PTPRO: variants seen among roughly 807,000 people sequenced by gnomAD.
PTPRO encodes receptor-type tyrosine-protein phosphatase O.
In PTPRO, 62 loss-of-function variants were observed where a neutral mutation model predicts 145.2. The ratio of observed to expected loss-of-function variants is 0.43; its 90% CI spans 0.35 to 0.53. PTPRO has a LOEUF of 0.53. PTPRO is among the 20% of genes least tolerant of loss of function. The probability of loss-of-function intolerance (pLI) is 0.01; values close to 1 mark genes in which losing one functional copy is unlikely to be tolerated. For synonymous variants in PTPRO, 565 were observed against 514.7 expected (o/e 1.10, Z -1.32); for missense variants, 1,345 against 1,482.7 (o/e 0.91, Z 1.53).
rs372311268 is a variant in PTPRO at position 15,580,132 on chromosome 12, A to T, written c.2997+17A>T. On this transcript the variant is annotated intron_variant, in intron 21 of 26. Transcript: ENST00000281171. ...TATATTCCTGTAAGTAGAAAAAAAA[A>T]ATCAGGCATCCCAAAGCTAACCAGC... is the stretch of plus-strand genomic sequence containing the variant. 268 of 1,595,822 alleles carry T rather than the reference A, an allele frequency of 1.7e-4. No homozygotes were observed. Among genetic ancestry groups the T allele is most frequent in the Non-Finnish European group, 2.1e-4 (240 of 1,167,018 alleles).
chr12:15,388,398 T>G (rs1211607361), intron 1 of PTPRO, among the ~76,000 whole-genome samples: 2 of 152,206 alleles, frequency 1.3e-5, no homozygotes, highest in East Asian at 3.8e-4. Context: ...TAATTGAAAC[T>G]GCACTGAAGC....
chr12:15,422,643 A>C (rs1461062143), intron 1 of PTPRO, among the ~76,000 whole-genome samples: 1 of 152,210 alleles, frequency 6.6e-6, no homozygotes, highest in East Asian at 1.9e-4. Context: ...TATAAACCAC[A>C]TGCTACAAAG....
At chr12:15,404,600 G>A (rs912354213) in intron 1 of PTPRO, among the ~76,000 whole-genome samples, 1 of 152,012 alleles carries the variant, frequency 6.6e-6, no homozygotes, top group East Asian at 1.9e-4. Flanking sequence ...TCCTTTTACG[G>A]CATGAAGGCT....
At chr12:15,444,298 A>G (rs1940846032) in intron 1 of PTPRO, among the ~76,000 whole-genome samples, 1 of 152,110 alleles carries the variant, frequency 6.6e-6, no homozygotes. Flanking sequence ...ACTCACGGAC[A>G]TAAAGATGGC....
intron 25 of PTPRO, 27 bp downstream of exon 25, chr12:15,589,617 T>A (rs532858809): frequency 5.6e-6 from 9 of 1,613,338 alleles, no homozygotes; most frequent in African/African-American, 5.3e-5. Flanking sequence ...TATGTATTTT[T>A]AAATTTTCCC....
chr12:15,509,371 G>T, intron 7 of PTPRO, among the ~76,000 whole-genome samples: 1 of 84,812 alleles, frequency 1.2e-5, no homozygotes, highest in Admixed American at 1.5e-4. Context: ...ACGCATTCTT[G>T]CTGAAAAAAA....
chr12:15,402,601 T>C (rs1241217256), intron 1 of PTPRO, among the ~76,000 whole-genome samples: 2 of 152,164 alleles, frequency 1.3e-5, no homozygotes, highest in African/African-American at 4.8e-5. Flanking sequence ...ATTCTCTATG[T>C]AAATTGTTAA....
intron 1 of PTPRO, among the ~76,000 whole-genome samples, chr12:15,426,157 GTA>G (rs1940280211): frequency 6.6e-6 from 1 of 151,340 alleles, no homozygotes; most frequent in African/African-American, 2.4e-5. Flanking sequence ...TTATTTCTAA[GTA>G]TTTTATCATT....
At chr12:15,516,350 G>T (rs1253388602) in intron 8 of PTPRO, among the ~76,000 whole-genome samples, 1 of 128,956 alleles carries the variant, frequency 7.8e-6, no homozygotes, top group African/African-American at 2.9e-5. Flanking sequence ...AAAAAAAAAA[G>T]AAAAGAAAGA....
chr12:15,437,571 C>T (rs1279815397), intron 1 of PTPRO, among the ~76,000 whole-genome samples: 1 of 152,156 alleles, frequency 6.6e-6, no homozygotes, highest in Non-Finnish European at 1.5e-5. Context: ...GCTCCATGCT[C>T]AGGCAAATCT....
At chr12:15,415,407 T>C (rs968776847) in intron 1 of PTPRO, among the ~76,000 whole-genome samples, 15 of 148,834 alleles carry the variant, frequency 1.0e-4, no homozygotes, top group Admixed American at 3.4e-4. Flanking sequence ...TTTTTTGAGA[T>C]GGAGTCTCGC....
chr12:15,432,259 T>G (rs1940462066), intron 1 of PTPRO, among the ~76,000 whole-genome samples: 1 of 152,218 alleles, frequency 6.6e-6, no homozygotes, highest in African/African-American at 2.4e-5. Context: ...CAGTATTTGG[T>G]TTTCCATTCC....
chr12:15,534,727 T>C (rs1373592495), intron 12 of PTPRO, among the ~76,000 whole-genome samples: 1 of 152,180 alleles, frequency 6.6e-6, no homozygotes, highest in East Asian at 1.9e-4. Flanking sequence ...TGGAATATTA[T>C]CTTCAGAGTA....
chr12:15,508,127 T>C (rs1942360631), intron 6 of PTPRO, among the ~76,000 whole-genome samples: 1 of 152,230 alleles, frequency 6.6e-6, no homozygotes, highest in Non-Finnish European at 1.5e-5. Flanking sequence ...TTCTCACTGT[T>C]GCCAAATTCA....
chr12:15,560,129 A>C, intron 16 of PTPRO, 64 bp from the exon 17 acceptor site: 1 of 1,144,688 alleles, frequency 8.7e-7, no homozygotes, highest in Non-Finnish European at 1.3e-6. Flanking sequence ...ATCTATTCAC[A>C]GTTTATATTA....
At chr12:15,479,858 G>T (rs1428684372) in intron 1 of PTPRO, among the ~76,000 whole-genome samples, 1 of 152,154 alleles carries the variant, frequency 6.6e-6, no homozygotes, top group Non-Finnish European at 1.5e-5. Context: ...TGAGTATGAG[G>T]ATCACCACAG....
chr12:15,564,679 C>T (rs74062873), intron 17 of PTPRO, among the ~76,000 whole-genome samples: 2 of 152,182 alleles, frequency 1.3e-5, no homozygotes, highest in Non-Finnish European at 2.9e-5. Context: ...AAGATTACAA[C>T]TGGTTATTTA....
chr12:15,543,659 C>T (rs1176074022), intron 12 of PTPRO, among the ~76,000 whole-genome samples: 1 of 152,010 alleles, frequency 6.6e-6, no homozygotes, highest in East Asian at 1.9e-4. Context: ...AACACATGAC[C>T]CTTGTTCTTA....
chr12:15,428,724 G>T (rs1055051055), intron 1 of PTPRO, among the ~76,000 whole-genome samples: 11 of 152,070 alleles, frequency 7.2e-5, no homozygotes, highest in African/African-American at 2.2e-4. Context: ...TCCAAGCCTG[G>T]AATGGTGCTC....
Sources: gnomAD v4.1 joint callset for allele counts (sites outside exome capture counted in the v4.1 genomes callset) on GRCh38, gnomAD v4.1.1 for gene constraint, MANE v1.5 for transcripts, NCBI Gene and HGNC (gene_info 2026-07-23, HGNC 2026-07-21) for gene names.